The following CACNA2D2 variants were observed in gnomAD, a reference collection of about 807,000 sequenced individuals.
CACNA2D2 encodes the protein calcium voltage-gated channel auxiliary subunit alpha2delta 2, also known as voltage-dependent calcium channel subunit alpha-2/delta-2.
In CACNA2D2, 48 loss-of-function variants were observed where a neutral mutation model predicts 166.4. That is an observed-to-expected ratio of 0.29 (90% CI 0.23 to 0.37). The LOEUF is 0.37. CACNA2D2 is among the 10% of genes least tolerant of loss of function. The pLI is 1.00. For missense variants in CACNA2D2, 1,122 were observed against 1,433.0 expected (o/e 0.78, Z 3.50); for synonymous variants, 561 against 573.7 (o/e 0.98, Z 0.32).
intron 2 of CACNA2D2, among the ~76,000 whole-genome samples, chr3:50,440,390 G>A (rs191186754): frequency 2.4e-4 from 36 of 152,388 alleles, no homozygotes; most frequent in African/African-American, 8.2e-4. Context: ...GCCATGTTAG[G>A]TTCCTAAGTG....
chr3:50,420,972 G>A (rs1707531450), intron 3 of CACNA2D2, among the ~76,000 whole-genome samples: 1 of 152,190 alleles, frequency 6.6e-6, no homozygotes, highest in South Asian at 2.1e-4. Flanking sequence ...GGCACTCCTG[G>A]GGCAGGGCTC....
intron 3 of CACNA2D2, among the ~76,000 whole-genome samples, chr3:50,406,175 G>A (rs1706699976): frequency 6.6e-6 from 1 of 151,828 alleles, no homozygotes; most frequent in South Asian, 2.1e-4. Context: ...ACCCATTGGA[G>A]AAGACATGCA....
chr3:50,364,900 G>A lies in CACNA2D2; in HGVS notation c.3279C>T (p.Asp1093=), dbSNP rs2109395112. ...RYRRGPHICF[D]YNATEDTSDC... ...CCCCTCTCCTCACTGTCGCGTTGTA[G>A]TCGAAGCAGATGTGCGGGCCTCTCC... The change falls in exon 37 of 38, where the codon GAC becomes GAT. Residue 1093 remains aspartate (D), a synonymous_variant. Transcript: ENST00000424201. 2 of 1,613,422 alleles carry A rather than the reference G, an allele frequency of 1.2e-6. No individual in the cohort carries two copies. The highest frequency in any genetic ancestry group is 1.3e-5 in the African/African-American group (1 of 75,040).
intron 2 of CACNA2D2, among the ~76,000 whole-genome samples, chr3:50,454,147 C>A: frequency 6.6e-6 from 1 of 152,238 alleles, no homozygotes; most frequent in East Asian, 1.9e-4. Context: ...CACAGGCGCA[C>A]CCACAGGCAC....
At chr3:50,483,616 G>A (rs2107125909) in intron 1 of CACNA2D2, among the ~76,000 whole-genome samples, 1 of 152,306 alleles carries the variant, frequency 6.6e-6, no homozygotes, top group Middle Eastern at 3.4e-3. Flanking sequence ...TGGGTTGGGG[G>A]GAGTGGAGGG....
Position 50,370,389 on chromosome 3 carries a change from G to C in CACNA2D2, c.1985-9C>G. ...GAGCAGGAACTCAAAATCTGCAACA[G>C]AAACGGGGGGTTATCCGGCGGGGGC... is the stretch of plus-strand genomic sequence containing the variant. On this transcript the variant is annotated splice_polypyrimidine_tract_variant and intron_variant, in intron 22 of 37. Transcript: ENST00000424201. The C allele has an allele frequency of 8.0e-7, 1 of 1,248,652 alleles. No individual in the cohort carries two copies. Among genetic ancestry groups the C allele is most frequent in the Non-Finnish European group, 1.1e-6 (1 of 923,196 alleles). 77.3% of individuals were successfully genotyped at this position (1,248,652 alleles called of 1,614,324 possible).
Position 50,422,827 on chromosome 3 carries a change from C to T in CACNA2D2, c.405+11486G>A, listed in dbSNP as rs1303353968. 2.0e-5 allele frequency among the ~76,000 whole-genome samples: 3 copies of T among 152,224 alleles called. No homozygotes were observed. The South Asian group carries it at 6.2e-4, about 32-fold the overall frequency. On this transcript the variant is annotated intron_variant, in intron 3 of 37. Transcript: ENST00000424201. Reference sequence around the variant, plus strand: ...CCATGCTGCCCTGGAAGCCGAGTCACCCTCACAGACTCATTTCTGGAAAAC... The same window carrying T: ...CCATGCTGCCCTGGAAGCCGAGTCATCCTCACAGACTCATTTCTGGAAAAC...
rs1704016451 is a variant in CACNA2D2 at position 50,363,037 on chromosome 3, A to G, written c.*1629T>C. The G allele has an allele frequency of 2.5e-5, 10 of 397,834 alleles. No individual in the cohort carries two copies. Among genetic ancestry groups the G allele is most frequent in the Middle Eastern group, 6.2e-4 (1 of 1,608 alleles). The allele number at this position is 397,834 out of a possible 1,614,324, so 24.6% of individuals were successfully genotyped here. On this transcript the variant is annotated 3_prime_UTR_variant, in exon 38 of 38. Transcript: ENST00000424201. The stretch of plus-strand genomic sequence containing the variant: ...GCAGCCAGGTCGGGTGGGTAATGAG[A>G]AGGATTAGACCCAGCTGGGGGTTAG...
intron 4 of CACNA2D2, among the ~76,000 whole-genome samples, chr3:50,388,340 C>T (rs587767883): frequency 7.2e-4 from 109 of 152,330 alleles, no homozygotes; most frequent in African/African-American, 2.4e-3. Context: ...AAGGTGAGCC[C>T]GGTGTCAGCC....
intron 3 of CACNA2D2, among the ~76,000 whole-genome samples, chr3:50,399,942 C>T (rs1706360307): frequency 6.6e-6 from 1 of 152,192 alleles, no homozygotes; most frequent in Admixed American, 6.5e-5. Flanking sequence ...TCACTGGATC[C>T]AGGCCACGGG....
chr3:50,432,786 C>T (rs1204993049), intron 3 of CACNA2D2, among the ~76,000 whole-genome samples: 1 of 152,212 alleles, frequency 6.6e-6, no homozygotes, highest in East Asian at 1.9e-4. Context: ...AAGCAGTCTC[C>T]ACCTATTTCA....
intron 1 of CACNA2D2, among the ~76,000 whole-genome samples, chr3:50,502,849 C>T (rs116754819): frequency 0.034 from 5,204 of 152,312 alleles, 288 homozygotes; most frequent in African/African-American, 0.12. Flanking sequence ...CTCCGCCGGA[C>T]AGGGGTCGCT....
At chr3:50,477,004 A>G (rs1166293410) in intron 1 of CACNA2D2, among the ~76,000 whole-genome samples, 9 of 143,998 alleles carry the variant, frequency 6.3e-5, no homozygotes, top group Non-Finnish European at 1.3e-4. Flanking sequence ...ATCTCTGCTC[A>G]CTGCAAGCTC....
intron 16 of CACNA2D2, 46 bp from the exon 17 acceptor site, chr3:50,377,587 G>A (rs779543533): frequency 1.1e-5 from 17 of 1,595,114 alleles, no homozygotes; most frequent in Non-Finnish European, 1.4e-5. Flanking sequence ...TCAATTCCAT[G>A]GGGAACCACC....
At chr3:50,431,931 G>A (rs955442575) in intron 3 of CACNA2D2, among the ~76,000 whole-genome samples, 6 of 138,802 alleles carry the variant, frequency 4.3e-5, no homozygotes, top group African/African-American at 1.8e-4. Flanking sequence ...GTTGCACTGA[G>A]CCAATACTGC....
chr3:50,374,489 G>A (rs955180793), intron 22 of CACNA2D2, among the ~76,000 whole-genome samples: 1 of 151,850 alleles, frequency 6.6e-6, no homozygotes, highest in Admixed American at 6.6e-5. Flanking sequence ...CACGGAGTAG[G>A]AGAAACCAAA....
chr3:50,444,465 G>A (rs560260111), intron 2 of CACNA2D2, among the ~76,000 whole-genome samples: 1 of 152,340 alleles, frequency 6.6e-6, no homozygotes, highest in African/African-American at 2.4e-5. Flanking sequence ...CCTCAGCCAG[G>A]CCATCCTGGC....
chr3:50,473,347 C>A (rs1222901753), intron 2 of CACNA2D2, among the ~76,000 whole-genome samples: 2 of 152,226 alleles, frequency 1.3e-5, no homozygotes, highest in Admixed American at 1.3e-4. Flanking sequence ...CAGCTGCCAG[C>A]CCTCATGGCT....
chr3:50,377,485 C>T lies in CACNA2D2; in HGVS notation c.1608G>A (p.Arg536=), dbSNP rs1705052211. 11 of 1,613,114 alleles carry T rather than the reference C, an allele frequency of 6.8e-6. No homozygotes were observed. The highest frequency in any genetic ancestry group is 8.5e-6 in the Non-Finnish European group (10 of 1,179,928). ...GIDVALNDIK[R]LTPNYTLGAN... The stretch of plus-strand genomic sequence containing the variant: ...TGCTCACCGTGTAGTTGGGGGTCAG[C>T]CTCTTGATGTCATTCAGAGCCACGT... Residue 536 remains arginine, a synonymous_variant, in exon 17 of 38, where the codon AGG becomes AGA. Transcript: ENST00000424201.
Sources: gnomAD v4.1 joint callset for allele counts (sites outside exome capture counted in the v4.1 genomes callset) on GRCh38, gnomAD v4.1.1 for gene constraint, MANE v1.5 for transcripts, NCBI Gene and HGNC (gene_info 2026-07-23, HGNC 2026-07-21) for gene names.